SAMD13: variants seen among roughly 807,000 people sequenced by gnomAD.
SAMD13 encodes sterile alpha motif domain containing 13.
A neutral mutation model predicts 12.4 loss-of-function variants in SAMD13; 9 were observed. The observed-to-expected ratio is 0.72, with a 90% CI of 0.44 to 1.26. SAMD13 has a LOEUF of 1.26. Ranked by LOEUF, SAMD13 falls within the 50% of genes most tolerant of loss-of-function variation. The pLI, the probability that SAMD13 is intolerant of heterozygous loss-of-function variation, is 0.00. For synonymous variants in SAMD13, 46 were observed against 45.4 expected, an observed-to-expected ratio of 1.01 and a Z score of -0.05; for missense variants, 84 against 119.6, an observed-to-expected ratio of 0.70 and a Z score of 1.39.
chr1:84,343,302 C>T (rs141895049), intron 3 of SAMD13, among the ~76,000 whole-genome samples: 125 of 152,254 alleles, frequency 8.2e-4, no homozygotes, highest in African/African-American at 3.0e-3. Flanking sequence ...GTGGCAATTC[C>T]TCAAAGATCT....
chr1:84,329,423 G>A (rs553719088), intron 3 of SAMD13, among the ~76,000 whole-genome samples: 1 of 152,302 alleles, frequency 6.6e-6, no homozygotes, highest in South Asian at 2.1e-4. Flanking sequence ...ATCTATCTTT[G>A]TGGTGTGGTC....
Position 84,349,776 on chromosome 1 carries a change from ACAGT to A in SAMD13, c.*5_*8del. The A allele has an allele frequency of 6.2e-7, 1 of 1,604,526 alleles. No homozygotes were observed. The highest frequency in any genetic ancestry group is 8.5e-7 in the Non-Finnish European group (1 of 1,175,918). Reference sequence around the variant, plus strand: ...CATTTAAAGAACAACTCTTCATAGTACAGTCAAATTGGGGTCTTCGACCTCAAAA... The same window carrying A: ...CATTTAAAGAACAACTCTTCATAGTACAAATTGGGGTCTTCGACCTCAAAA... On this transcript the variant is annotated 3_prime_UTR_variant, in exon 4 of 4. Coordinates refer to ENST00000394834, the MANE Select transcript of SAMD13 (RefSeq NM_001134663.2).
At position 84,349,859 on chromosome 1, in the gene SAMD13, C is replaced by A; in HGVS notation, c.*85C>A. ...GTAATGAAACTTTGTAAACAGAATA[C>A]ATACATGTGTATATGTAAAGAATTT... On this transcript the variant is annotated 3_prime_UTR_variant, in exon 4 of 4. Transcript: ENST00000394834. The A allele has an allele frequency of 6.6e-7, 1 of 1,522,922 alleles. No individual in the cohort carries two copies. Among genetic ancestry groups the A allele is most frequent in the South Asian group, 1.3e-5 (1 of 74,364 alleles). 94.3% of individuals were successfully genotyped at this position (1,522,922 alleles called of 1,614,324 possible).
chr1:84,311,947 A>G (rs1678724292), intron 2 of SAMD13, among the ~76,000 whole-genome samples: 1 of 152,330 alleles, frequency 6.6e-6, no homozygotes, highest in South Asian at 2.1e-4. Context: ...ACTTTCATCT[A>G]TAAATAAAGT....
At chr1:84,301,236 G>A (rs1471165450), upstream of SAMD13, among the ~76,000 whole-genome samples, 1 of 152,178 alleles carries the variant, frequency 6.6e-6, no homozygotes, top group African/African-American at 2.4e-5. Flanking sequence ...CCAGCCCTGG[G>A]AACTTTGTCC....
chr1:84,319,815 C>T (rs1340559194), intron 2 of SAMD13, among the ~76,000 whole-genome samples: 1 of 152,004 alleles, frequency 6.6e-6, no homozygotes, highest in Non-Finnish European at 1.5e-5. Context: ...CAGAGGAAAA[C>T]CATTTGCCTG....
intron 2 of SAMD13, among the ~76,000 whole-genome samples, chr1:84,316,538 G>A (rs1678837275): frequency 6.6e-6 from 1 of 152,052 alleles, no homozygotes; most frequent in African/African-American, 2.4e-5. Context: ...CATATCCATG[G>A]ATGTATTTCT....
Position 84,342,004 on chromosome 1 carries a change from A to C in SAMD13, c.166-7627A>C, listed in dbSNP as rs551664839. Among the ~76,000 whole-genome samples, 4 of 152,324 alleles carry C rather than the reference A, an allele frequency of 2.6e-5. No homozygotes were observed. The East Asian group carries it at 5.8e-4, about 22-fold the overall frequency. ...TGTCATTCAAAGACCCAGGTGAAGG[A>C]GGCCTTGTTATCAGTTAAATAGCTT... On this transcript the variant is annotated intron_variant, in intron 3 of 3. Coordinates refer to ENST00000394834, the MANE Select transcript of SAMD13 (RefSeq NM_001134663.2).
upstream of SAMD13, among the ~76,000 whole-genome samples, chr1:84,299,872 A>G (rs911431031): frequency 2.0e-5 from 3 of 152,024 alleles, no homozygotes; most frequent in African/African-American, 7.2e-5. Flanking sequence ...AGCAGGCCAG[A>G]TGGGAGGGGA....
chr1:84,343,523 C>T (rs1482697013), intron 3 of SAMD13, among the ~76,000 whole-genome samples: 1 of 152,072 alleles, frequency 6.6e-6, no homozygotes, highest in African/African-American at 2.4e-5. Flanking sequence ...GCTGTGAAGC[C>T]CTGAAAAGGA....
At chr1:84,335,276 G>C (rs189473297) in intron 3 of SAMD13, among the ~76,000 whole-genome samples, 100 of 152,204 alleles carry the variant, frequency 6.6e-4, no homozygotes, top group Non-Finnish European at 1.2e-3. Flanking sequence ...TTGTTGAATT[G>C]AGCCCTTTAC....
chr1:84,311,754 A>T (rs1170920262), intron 2 of SAMD13, among the ~76,000 whole-genome samples: 3 of 152,244 alleles, frequency 2.0e-5, no homozygotes, highest in African/African-American at 4.8e-5. Context: ...AGCACCATCC[A>T]TCTGGATAGA....
At chr1:84,339,044 C>T (rs761995854) in intron 3 of SAMD13, among the ~76,000 whole-genome samples, 3 of 152,212 alleles carry the variant, frequency 2.0e-5, no homozygotes, top group Admixed American at 6.5e-5. Flanking sequence ...CATCTTTCAG[C>T]TCCCATATAT....
chr1:84,343,496 C>T (rs979955968), intron 3 of SAMD13, among the ~76,000 whole-genome samples: 1 of 152,178 alleles, frequency 6.6e-6, no homozygotes, highest in Non-Finnish European at 1.5e-5. Context: ...AAACGTGGTA[C>T]ATAGACACCA....
chr1:84,318,199 A>G (rs1369219202), intron 2 of SAMD13, among the ~76,000 whole-genome samples: 1 of 151,940 alleles, frequency 6.6e-6, no homozygotes, highest in Non-Finnish European at 1.5e-5. Flanking sequence ...CTTAAGGTAG[A>G]AAGTTAGGTT....
At chr1:84,299,567 A>G, upstream of SAMD13, 1 of 1,483,152 alleles carries the variant, frequency 6.7e-7, no homozygotes, top group Non-Finnish European at 9.0e-7. Context: ...TCACACTCAC[A>G]TACTTTATGC....
At chr1:84,299,657 G>GTA (rs143143145), upstream of SAMD13, 26,857 of 653,638 alleles carry the variant, frequency 0.041, 42 homozygotes, top group Middle Eastern at 0.054. Context: ...GAGTACTAGT[G>GTA]TATATATATA....
chr1:84,344,821 A>G, intron 3 of SAMD13: 1 of 439,400 alleles, frequency 2.3e-6, no homozygotes, highest in Non-Finnish European at 4.6e-6. Flanking sequence ...AATTCAAACA[A>G]GTAGCAAGAG....
intron 2 of SAMD13, among the ~76,000 whole-genome samples, chr1:84,315,898 A>G (rs1026108007): frequency 6.6e-6 from 1 of 152,182 alleles, no homozygotes; most frequent in African/African-American, 2.4e-5. Context: ...TTGTTTTGGT[A>G]ATAGTATCCT....
Sources: allele counts gnomAD v4.1 joint callset (sites outside exome capture counted in the v4.1 genomes callset), GRCh38; gene constraint gnomAD v4.1.1; transcripts MANE v1.5; gene names NCBI Gene and HGNC (gene_info 2026-07-23, HGNC 2026-07-21).